ATP6AP2: variants seen among roughly 807,000 people sequenced by gnomAD.
ATP6AP2 encodes the protein ATPase H+ transporting accessory protein 2.
Under a neutral mutation model 23.4 loss-of-function variants are expected in ATP6AP2, and 1 was observed. The ratio of observed to expected loss-of-function variants is 0.04; its 90% CI spans 0.02 to 0.20. ATP6AP2 has a LOEUF of 0.20. ATP6AP2 is among the 10% of genes least tolerant of loss of function. The pLI, the probability that ATP6AP2 is intolerant of heterozygous loss-of-function variation, is 1.00. For missense variants in ATP6AP2, 174 were observed against 271.3 expected, an observed-to-expected ratio of 0.64 and a Z score of 2.52; for synonymous variants, 90 against 97.1, an observed-to-expected ratio of 0.93 and a Z score of 0.43.
intron 1 of ATP6AP2, among the ~76,000 whole-genome samples, chrX:40,587,676 C>T (rs1926513139): frequency 8.9e-6 from 1 of 112,238 alleles, no homozygotes; most frequent in Non-Finnish European, 1.9e-5. Context: ...TTGTTCTAGA[C>T]TTGGAGCCCA....
chrX:40,584,800 G>A (rs1926424819), intron 1 of ATP6AP2, among the ~76,000 whole-genome samples: 1 of 111,222 alleles, frequency 9.0e-6, no homozygotes, highest in Non-Finnish European at 1.9e-5. Flanking sequence ...GTAGAGACGG[G>A]GTTTCACTAT....
intron 8 of ATP6AP2, among the ~76,000 whole-genome samples, chrX:40,601,572 A>T (rs1267735659): frequency 8.9e-6 from 1 of 112,107 alleles, no homozygotes; most frequent in Non-Finnish European, 1.9e-5. Flanking sequence ...GTACGTGCAC[A>T]TTTACATACA....
chrX:40,591,897 T>C (rs1157777845), intron 3 of ATP6AP2: 1 of 126,219 alleles, frequency 7.9e-6, no homozygotes, highest in East Asian at 2.2e-4. Context: ...ATAACTAAAT[T>C]TGAATGCAAG....
At chrX:40,587,277 A>G (rs1926500843) in intron 1 of ATP6AP2, among the ~76,000 whole-genome samples, 1 of 112,410 alleles carries the variant, frequency 8.9e-6, no homozygotes, top group Non-Finnish European at 1.9e-5. Context: ...CTCAAAACAA[A>G]CAAACAAAAT....
chrX:40,600,722 A>G, intron 7 of ATP6AP2, 40 bp from the exon 8 acceptor site: 1 of 1,167,651 alleles, frequency 8.6e-7, no homozygotes, highest in Admixed American at 2.3e-5. Context: ...AAAAAAGTAC[A>G]TAGTTGAGAT....
chrX:40,583,460 A>C (rs768924746), intron 1 of ATP6AP2, among the ~76,000 whole-genome samples: 12 of 111,987 alleles, frequency 1.1e-4, no homozygotes, highest in African/African-American at 3.9e-4. Context: ...ATGTGAGAGC[A>C]AAGGGGCAAG....
Position 40,606,562 on chromosome X carries a change from G to A in ATP6AP2, c.*807G>A, listed in dbSNP as rs998427104. On this transcript the variant is annotated 3_prime_UTR_variant, in exon 9 of 9. Transcript: ENST00000636580. ...TTCTATAGAATATTAAGTGGAAGTG[G>A]GTGAATTCTACTTTTTATGTTGGAG... 1 of 112,212 alleles carries A rather than the reference G, an allele frequency of 8.9e-6. No individual in the cohort carries two copies. Among genetic ancestry groups the A allele is most frequent in the Admixed American group, 9.5e-5 (1 of 10,489 alleles). The allele number at this position is 112,212 out of a possible 1,213,427, so 9.2% of individuals were successfully genotyped here.
chrX:40,593,215 C>A (rs1161177229), intron 3 of ATP6AP2, among the ~76,000 whole-genome samples: 1 of 109,923 alleles, frequency 9.1e-6, no homozygotes, highest in African/African-American at 3.3e-5. Context: ...CCACTGCACT[C>A]CAGCCTGGGT....
In ATP6AP2 at chrX:40,581,045, T is replaced by C. The variant is rs1258453911; in HGVS notation, c.-21T>C. 4.3e-6 allele frequency: 5 copies of C among 1,163,374 alleles called. No individual in the cohort carries two copies. The highest frequency in any genetic ancestry group is 5.7e-6 in the Non-Finnish European group (5 of 871,788). On this transcript the variant is annotated 5_prime_UTR_variant, in exon 1 of 9. Transcript: ENST00000636580. ...CGGCCCGTTCCGTGTCGCCCCGCAG[T>C]GCTGCGGCCGCCGCGGCACCATGGC...
chrX:40,596,136 G>A (rs768205566), intron 3 of ATP6AP2, among the ~76,000 whole-genome samples: 7 of 109,537 alleles, frequency 6.4e-5, no homozygotes, highest in East Asian at 2.9e-4. Context: ...CCGAGATCGC[G>A]CCACTGTACT....
chrX:40,600,930 A>G, intron 8 of ATP6AP2, 49 bp downstream of exon 8: 1 of 1,058,501 alleles, frequency 9.4e-7, no homozygotes, highest in Non-Finnish European at 1.3e-6. Context: ...TTAACTTCTT[A>G]TAAAAAAAAA....
chrX:40,585,242 A>T (rs1926434331), intron 1 of ATP6AP2, among the ~76,000 whole-genome samples: 1 of 111,955 alleles, frequency 8.9e-6, no homozygotes, highest in Non-Finnish European at 1.9e-5. Flanking sequence ...ACTATAGTAG[A>T]AGTATATACT....
intron 1 of ATP6AP2, among the ~76,000 whole-genome samples, chrX:40,586,524 A>G (rs757476979): frequency 8.9e-6 from 1 of 111,913 alleles, no homozygotes; most frequent in South Asian, 3.8e-4. Context: ...AGATGAGGTT[A>G]TCTGGTGAGA....
intron 7 of ATP6AP2, chrX:40,600,251 G>T: frequency 7.8e-6 from 1 of 128,133 alleles, no homozygotes. Flanking sequence ...CATCCTTTCA[G>T]TGAGGCTTCA....
intron 8 of ATP6AP2, 70 bp downstream of exon 8, chrX:40,600,951 C>T: frequency 2.3e-6 from 2 of 861,579 alleles, no homozygotes; most frequent in East Asian, 6.6e-5. Context: ...AAAACCAAGT[C>T]CTATATCACC....
At chrX:40,602,784 G>A (rs1926959183) in intron 8 of ATP6AP2, among the ~76,000 whole-genome samples, 6 of 108,214 alleles carry the variant, frequency 5.5e-5, no homozygotes, top group Admixed American at 3.0e-4. Context: ...TGGGGACCCC[G>A]AGAGAGCTGT....
chrX:40,588,396 G>C (rs1479965299), intron 1 of ATP6AP2, among the ~76,000 whole-genome samples: 4 of 88,829 alleles, frequency 4.5e-5, no homozygotes, highest in African/African-American at 1.8e-4. Flanking sequence ...TGGGACATAA[G>C]GAAAGATGTT....
chrX:40,599,662 A>G lies in ATP6AP2; in HGVS notation c.659A>G (p.Asp220Gly). 1 of 1,211,314 alleles carries G rather than the reference A, an allele frequency of 8.3e-7. No individual in the cohort carries two copies. ...DLYSLELAGL[D>G]EIGKRYGEDS... ...TATTCACTGGAGCTGGCAGGTTTGG[A>G]TGAAATTGGGAAGCGTTATGGGGAA... Residue 220 changes from aspartate to glycine, a missense_variant, in exon 7 of 9, where the codon GAT becomes GGT. Coordinates refer to ENST00000636580, the MANE Select transcript of ATP6AP2 (RefSeq NM_005765.3).
rs1463737678 is a variant in ATP6AP2 at position 40,606,605 on chromosome X, A to G, written c.*850A>G. 1.8e-5 allele frequency: 2 copies of G among 112,537 alleles called. No individual in the cohort carries two copies. The highest frequency in any genetic ancestry group is 9.5e-5 in the Admixed American group (1 of 10,555). The allele number at this position is 112,537 out of a possible 1,213,427, so 9.3% of individuals were successfully genotyped here. A position where few individuals can be genotyped will look rare whatever the true frequency, so the allele number is the denominator to read the frequency against. ...TGTTGGAGTGGACCAATGTCTATCA[A>G]GAGTGACAAATAAAGTTAATGATGA... On this transcript the variant is annotated 3_prime_UTR_variant, in exon 9 of 9. Transcript: ENST00000636580.
Sources: gnomAD v4.1 joint callset for allele counts (sites outside exome capture counted in the v4.1 genomes callset) on GRCh38, gnomAD v4.1.1 for gene constraint, MANE v1.5 for transcripts, NCBI Gene and HGNC (gene_info 2026-07-23, HGNC 2026-07-21) for gene names.